Variants in KCNH1 observed in about 807,000 individuals in gnomAD.
KCNH1 encodes potassium voltage-gated channel subfamily H member 1.
In KCNH1, 27 loss-of-function variants were observed where a neutral mutation model predicts 69.2. The observed-to-expected ratio is 0.39, with a 90% CI of 0.29 to 0.54. KCNH1 has a LOEUF of 0.54. KCNH1 is among the 20% of genes least tolerant of loss of function. The probability of loss-of-function intolerance (pLI) is 0.68; values close to 1 mark genes in which losing one functional copy is unlikely to be tolerated. For synonymous variants in KCNH1, 456 were observed against 487.7 expected (o/e 0.93, Z 0.86); for missense variants, 798 against 1,261.6 (o/e 0.63, Z 5.57).
At chr1:211,024,109 A>G (rs6692020) in intron 5 of KCNH1, among the ~76,000 whole-genome samples, 115,724 of 152,090 alleles carry the variant, frequency 0.76, 44,536 homozygotes, top group East Asian at 0.89. Flanking sequence ...TTATTGCTCT[A>G]TGCCCGGAAC....
At chr1:210,801,428 G>A (rs905458161) in intron 8 of KCNH1, among the ~76,000 whole-genome samples, 2 of 152,128 alleles carry the variant, frequency 1.3e-5, no homozygotes, top group Admixed American at 6.5e-5. Context: ...CAGCCAGCCC[G>A]CTCTGGGCTC....
At chr1:210,735,079 C>T (rs951074508) in intron 10 of KCNH1, among the ~76,000 whole-genome samples, 3 of 152,128 alleles carry the variant, frequency 2.0e-5, no homozygotes, top group African/African-American at 7.2e-5. Context: ...ATGCTCCACA[C>T]TTCCCATGCT....
chr1:211,037,743 G>A (rs1419937666), intron 5 of KCNH1, among the ~76,000 whole-genome samples: 1 of 151,942 alleles, frequency 6.6e-6, no homozygotes, highest in Non-Finnish European at 1.5e-5. Context: ...ACTAGAGTAG[G>A]AGAGCAAGAC....
intron 10 of KCNH1, among the ~76,000 whole-genome samples, chr1:210,771,190 A>G (rs181802363): frequency 3.0e-4 from 45 of 152,332 alleles, no homozygotes; most frequent in Middle Eastern, 3.4e-3. Flanking sequence ...TAGAGAGCCA[A>G]GGGTTTGATG....
intron 6 of KCNH1, among the ~76,000 whole-genome samples, chr1:210,945,338 C>A (rs1687939401): frequency 6.6e-6 from 1 of 152,174 alleles, no homozygotes; most frequent in South Asian, 2.1e-4. Context: ...ATAAACATGA[C>A]CTCATTTAAT....
At chr1:211,092,306 T>A (rs534635809) in intron 3 of KCNH1, among the ~76,000 whole-genome samples, 1 of 152,318 alleles carries the variant, frequency 6.6e-6, no homozygotes, top group Admixed American at 6.5e-5. Context: ...TTAGGCTTAG[T>A]TAGCCAATCT....
At chr1:210,826,256 T>C (rs1030775627) in intron 7 of KCNH1, among the ~76,000 whole-genome samples, 68 of 152,156 alleles carry the variant, frequency 4.5e-4, no homozygotes, top group African/African-American at 1.6e-3. Flanking sequence ...TTAAGGATGA[T>C]TCTCCAGACC....
intron 7 of KCNH1, among the ~76,000 whole-genome samples, chr1:210,865,638 A>G (rs1189201960): frequency 1.3e-5 from 2 of 152,242 alleles, no homozygotes; most frequent in Non-Finnish European, 2.9e-5. Flanking sequence ...CATTTTATGT[A>G]AGGAAAGACT....
chr1:211,070,430 AACACACACACACAC>A (rs57063242), intron 5 of KCNH1, among the ~76,000 whole-genome samples: 5 of 137,126 alleles, frequency 3.6e-5, no homozygotes, highest in Non-Finnish European at 7.7e-5. Flanking sequence ...AAAAAAAAAA[AACACACACACACAC>A]ACACACACAC....
At chr1:210,880,019 G>T (rs1574313791) in intron 7 of KCNH1, among the ~76,000 whole-genome samples, 1 of 152,148 alleles carries the variant, frequency 6.6e-6, no homozygotes, top group South Asian at 2.1e-4. Context: ...GAAATACTTA[G>T]TTATAACTCA....
At chr1:210,824,748 G>T (rs1685001644) in intron 7 of KCNH1, among the ~76,000 whole-genome samples, 1 of 152,138 alleles carries the variant, frequency 6.6e-6, no homozygotes, top group African/African-American at 2.4e-5. Context: ...ATACCTTACA[G>T]TTTAGTTGTA....
intron 10 of KCNH1, among the ~76,000 whole-genome samples, chr1:210,720,293 A>C (rs6681860): frequency 0.21 from 32,685 of 152,080 alleles, 4,369 homozygotes; most frequent in African/African-American, 0.38. Flanking sequence ...TGAGGACTTC[A>C]TTGCATTATT....
At chr1:210,932,782 C>A (rs1465631264) in intron 6 of KCNH1, among the ~76,000 whole-genome samples, 1 of 151,952 alleles carries the variant, frequency 6.6e-6, no homozygotes, top group Non-Finnish European at 1.5e-5. Flanking sequence ...ATATAATGAG[C>A]AAAGAATCAA....
intron 7 of KCNH1, among the ~76,000 whole-genome samples, chr1:210,830,829 C>A (rs1168701677): frequency 6.6e-6 from 1 of 152,116 alleles, no homozygotes; most frequent in East Asian, 1.9e-4. Context: ...CTCTGGTACT[C>A]CCAGGAGGTT....
intron 8 of KCNH1, among the ~76,000 whole-genome samples, chr1:210,800,934 T>G (rs1684415028): frequency 6.6e-6 from 1 of 152,232 alleles, no homozygotes. Flanking sequence ...GCAGCAATAC[T>G]TAGCTCCTCT....
At chr1:210,863,906 G>A (rs1037877757) in intron 7 of KCNH1, among the ~76,000 whole-genome samples, 1 of 152,202 alleles carries the variant, frequency 6.6e-6, no homozygotes, top group African/African-American at 2.4e-5. Flanking sequence ...AAGGCCTCAA[G>A]TGGTAGTTTT....
chr1:211,085,976 C>T (rs549331083), intron 4 of KCNH1, among the ~76,000 whole-genome samples: 3 of 152,288 alleles, frequency 2.0e-5, no homozygotes, highest in African/African-American at 7.2e-5. Flanking sequence ...AGCAGACTTA[C>T]CTGCTCCTTG....
chr1:210,900,737 A>G (rs951761526), intron 7 of KCNH1, among the ~76,000 whole-genome samples: 1 of 152,156 alleles, frequency 6.6e-6, no homozygotes, highest in African/African-American at 2.4e-5. Context: ...AAGAGCCACA[A>G]TAATCTTTGT....
chr1:211,033,994 T>C (rs1689847616), intron 5 of KCNH1, among the ~76,000 whole-genome samples: 1 of 152,042 alleles, frequency 6.6e-6, no homozygotes, highest in Non-Finnish European at 1.5e-5. Context: ...AGTAGGAATG[T>C]AAAATGGTGC....
Sources: gnomAD v4.1 joint callset for allele counts (sites outside exome capture counted in the v4.1 genomes callset) on GRCh38, gnomAD v4.1.1 for gene constraint, MANE v1.5 for transcripts, NCBI Gene and HGNC (gene_info 2026-07-23, HGNC 2026-07-21) for gene names.